Variants in EDC3 observed in about 807,000 individuals in gnomAD.
EDC3 encodes enhancer of mRNA decapping 3, also known as enhancer of mRNA-decapping protein 3.
In EDC3, 20 loss-of-function variants were observed where a neutral mutation model predicts 41.8. That is an observed-to-expected ratio of 0.48 (90% CI 0.34 to 0.70). The LOEUF (loss-of-function observed/expected upper bound fraction) is 0.70. Ranked by LOEUF, EDC3 falls within the 30% of genes least tolerant of loss-of-function variation. The probability of loss-of-function intolerance (pLI) is 0.01; values close to 1 mark genes in which losing one functional copy is unlikely to be tolerated. For synonymous variants in EDC3, 206 were observed against 243.2 expected (o/e 0.85, Z 1.42); for missense variants, 444 against 636.8 (o/e 0.70, Z 3.26).
At position 74,695,000 on chromosome 15, in the gene EDC3, T is replaced by C. The variant is rs550810632; in HGVS notation, c.-19+880A>G. 2.6e-4 allele frequency among the ~76,000 whole-genome samples: 40 copies of C among 151,854 alleles called. 1 individual carries two copies. Among genetic ancestry groups the C allele is most frequent in the African/African-American group, 9.2e-4 (38 of 41,412 alleles). ...GATTAGGATCCATCTGGGTGTCCAG[T>C]TGAAATACTAAACTGCTTGGAGACA... On this transcript the variant is annotated intron_variant, in intron 1 of 6. Coordinates refer to ENST00000315127, the MANE Select transcript of EDC3 (RefSeq NM_025083.5).
chr15:74,682,566 C>T (rs547934040), intron 1 of EDC3, among the ~76,000 whole-genome samples: 3 of 141,176 alleles, frequency 2.1e-5, no homozygotes, highest in Non-Finnish European at 4.5e-5. Context: ...TGCAGTGAGC[C>T]GAGATGGGGC....
At chr15:74,660,393 G>C (rs1292748376) in intron 3 of EDC3, among the ~76,000 whole-genome samples, 2 of 149,618 alleles carry the variant, frequency 1.3e-5, no homozygotes, top group Admixed American at 6.8e-5. Flanking sequence ...CTTGGGGACA[G>C]AGTGAGACTC....
intron 1 of EDC3, among the ~76,000 whole-genome samples, chr15:74,682,453 C>A (rs373801679): frequency 9.2e-5 from 14 of 151,668 alleles, no homozygotes; most frequent in African/African-American, 3.4e-4. Flanking sequence ...CCCGTCTCTA[C>A]TAAAAATACA....
chr15:74,682,891 G>A (rs914667841), intron 1 of EDC3, among the ~76,000 whole-genome samples: 8 of 151,760 alleles, frequency 5.3e-5, no homozygotes, highest in South Asian at 2.1e-4. Flanking sequence ...GAGCGGTGGC[G>A]CATGCCTGTA....
At chr15:74,674,545 A>G (rs1045906362) in intron 2 of EDC3, among the ~76,000 whole-genome samples, 1 of 152,220 alleles carries the variant, frequency 6.6e-6, no homozygotes, top group African/African-American at 2.4e-5. Context: ...CGGAGGTTCT[A>G]GAGAATGAAG....
intron 1 of EDC3, among the ~76,000 whole-genome samples, chr15:74,682,953 C>A (rs1596331899): frequency 6.6e-6 from 1 of 151,744 alleles, no homozygotes; most frequent in Admixed American, 6.6e-5. Context: ...ACCTGGGAGG[C>A]AGAGGTTGTG....
At chr15:74,682,748 CGCAGT>C (rs1300795342) in intron 1 of EDC3, among the ~76,000 whole-genome samples, 3 of 152,098 alleles carry the variant, frequency 2.0e-5, no homozygotes, top group African/African-American at 7.2e-5. Flanking sequence ...GTGGGCTGGG[CGCAGT>C]GGCTCACGCC....
chr15:74,650,365 AC>A (rs1223502599), intron 4 of EDC3, among the ~76,000 whole-genome samples: 24 of 152,144 alleles, frequency 1.6e-4, no homozygotes, highest in African/African-American at 5.3e-4. Flanking sequence ...AGTCTCCCAC[AC>A]AGCCCTTTAC....
Position 74,630,917 on chromosome 15 carries a change from C to G in EDC3, c.*1695G>C, listed in dbSNP as rs1360575323. Reference sequence around the variant, plus strand: ...TTCTCACTGTACCTAATCAGGGGGCCTAACTGCATTAACAGGCAGCCAGAA... The same window carrying G: ...TTCTCACTGTACCTAATCAGGGGGCGTAACTGCATTAACAGGCAGCCAGAA... On this transcript the variant is annotated 3_prime_UTR_variant, in exon 7 of 7. Transcript: ENST00000315127. The G allele has an allele frequency of 6.6e-6, 1 of 152,226 alleles. No individual in the cohort carries two copies. The highest frequency in any genetic ancestry group is 1.5e-5 in the Non-Finnish European group (1 of 68,068). The allele number at this position is 152,226 out of a possible 1,614,324, so 9.4% of individuals were successfully genotyped here.
At chr15:74,686,736 C>T (rs973171668) in intron 1 of EDC3, among the ~76,000 whole-genome samples, 7 of 151,938 alleles carry the variant, frequency 4.6e-5, no homozygotes, top group Admixed American at 1.3e-4. Flanking sequence ...GCAGAAATTG[C>T]GCCACTGCAC....
intron 3 of EDC3, among the ~76,000 whole-genome samples, chr15:74,669,888 G>C (rs1358601807): frequency 6.6e-6 from 1 of 152,072 alleles, no homozygotes; most frequent in Middle Eastern, 3.2e-3. Context: ...CTGTCACCCA[G>C]GCTGAAGTGC....
In EDC3 at chr15:74,660,043, CA is replaced by C. The variant is rs1273373052; in HGVS notation, c.485-3976del. ...CTGGTGACAGAGCGAGACTCTGTCT[CA>C]AAAGAAAAAAAAATAAAATAAAATA... On this transcript the variant is annotated intron_variant, in intron 3 of 6. Coordinates refer to ENST00000315127, the MANE Select transcript of EDC3 (RefSeq NM_025083.5). Among the ~76,000 whole-genome samples, 4 of 146,736 alleles carry C rather than the reference CA, an allele frequency of 2.7e-5. No individual in the cohort carries two copies. In the Admixed American group the frequency reaches 2.7e-4, roughly 10 times the overall value.
chr15:74,648,205 T>A (rs954937153), intron 4 of EDC3, among the ~76,000 whole-genome samples: 13 of 152,254 alleles, frequency 8.5e-5, no homozygotes, highest in African/African-American at 3.1e-4. Context: ...TCTTCCTGAA[T>A]TCCTTTTGAA....
chr15:74,689,139 G>A (rs757090168), intron 1 of EDC3, among the ~76,000 whole-genome samples: 2 of 151,922 alleles, frequency 1.3e-5, no homozygotes, highest in Non-Finnish European at 2.9e-5. Context: ...ATTTCTACTG[G>A]GCATATAACA....
At chr15:74,649,365 T>TGCCTCAGCCTCCC (rs1350605476) in intron 4 of EDC3, among the ~76,000 whole-genome samples, 11 of 152,170 alleles carry the variant, frequency 7.2e-5, no homozygotes, top group African/African-American at 2.2e-4. Flanking sequence ...GCCAGCCTCC[T>TGCCTCAGCCTCCC]GCCTCAGCCT....
intron 1 of EDC3, among the ~76,000 whole-genome samples, chr15:74,679,011 T>C (rs2062839522): frequency 6.7e-6 from 1 of 148,730 alleles, no homozygotes; most frequent in East Asian, 2.0e-4. Flanking sequence ...GCCAACATGG[T>C]GAAACCCCAT....
At chr15:74,644,026 G>T in intron 4 of EDC3, 1 of 142,060 alleles carries the variant, frequency 7.0e-6, no homozygotes, top group East Asian at 2.0e-4. Flanking sequence ...GCAATGTACA[G>T]AGTCCCTGGA....
At chr15:74,668,725 T>TGAAAGAAA (rs1180905042) in intron 3 of EDC3, among the ~76,000 whole-genome samples, 2 of 58,438 alleles carry the variant, frequency 3.4e-5, no homozygotes, top group South Asian at 8.5e-4. Flanking sequence ...GTCTCAAAAA[T>TGAAAGAAA]GAATGAAAGA....
chr15:74,649,724 T>G (rs1276165595), intron 4 of EDC3, among the ~76,000 whole-genome samples: 1 of 152,168 alleles, frequency 6.6e-6, no homozygotes, highest in African/African-American at 2.4e-5. Context: ...TAGCCTCTCT[T>G]TGGCTATATA....
Sources: gnomAD v4.1 joint callset for allele counts (sites outside exome capture counted in the v4.1 genomes callset) on GRCh38, gnomAD v4.1.1 for gene constraint, MANE v1.5 for transcripts, NCBI Gene and HGNC (gene_info 2026-07-23, HGNC 2026-07-21) for gene names.